PIBF1: variants seen among roughly 807,000 people sequenced by gnomAD.
PIBF1 encodes progesterone immunomodulatory binding factor 1, also known as progesterone-induced-blocking factor 1.
A neutral mutation model predicts 112.5 loss-of-function variants in PIBF1; 90 were observed. The ratio of observed to expected loss-of-function variants is 0.80; its 90% CI spans 0.67 to 0.95. PIBF1 has a LOEUF of 0.95. Ranked by LOEUF, PIBF1 falls within the 40% of genes least tolerant of loss-of-function variation. The pLI is 0.00. For missense variants in PIBF1, 915 were observed against 852.3 expected, an observed-to-expected ratio of 1.07 and a Z score of -0.92; for synonymous variants, 301 against 288.6, an observed-to-expected ratio of 1.04 and a Z score of -0.44.
intron 16 of PIBF1, among the ~76,000 whole-genome samples, chr13:72,984,420 G>T (rs1438320639): frequency 6.6e-6 from 1 of 152,074 alleles, no homozygotes; most frequent in Non-Finnish European, 1.5e-5. Flanking sequence ...TGTTTTCTAG[G>T]ATTCAAGAGG....
intron 16 of PIBF1, among the ~76,000 whole-genome samples, chr13:72,977,185 T>G (rs138497133): frequency 4.5e-4 from 5 of 11,184 alleles, no homozygotes; most frequent in East Asian, 3.0e-3. Flanking sequence ...GTTGTGTTGT[T>G]TTGTTTTGTT....
At chr13:72,828,398 A>T (rs1018908516) in intron 8 of PIBF1, among the ~76,000 whole-genome samples, 15 of 151,724 alleles carry the variant, frequency 9.9e-5, no homozygotes, top group African/African-American at 3.6e-4. Context: ...CCTACATTAG[A>T]TATTTCTCCT....
At chr13:72,917,820 T>C (rs1056596599) in intron 13 of PIBF1, among the ~76,000 whole-genome samples, 3 of 152,210 alleles carry the variant, frequency 2.0e-5, no homozygotes, top group African/African-American at 4.8e-5. Context: ...ACATAGCATT[T>C]ACATTTTGTT....
chr13:72,838,665 G>A (rs1456651801), intron 9 of PIBF1, among the ~76,000 whole-genome samples: 1 of 152,210 alleles, frequency 6.6e-6, no homozygotes, highest in Non-Finnish European at 1.5e-5. Flanking sequence ...AAGTATGGCT[G>A]CTGGGGTTGG....
intron 14 of PIBF1, among the ~76,000 whole-genome samples, chr13:72,951,700 A>G (rs1003652082): frequency 6.6e-6 from 1 of 152,066 alleles, no homozygotes; most frequent in African/African-American, 2.4e-5. Context: ...CGTGCATTCT[A>G]TGGGGTTTAG....
chr13:72,968,514 T>C (rs2042807975), intron 15 of PIBF1, among the ~76,000 whole-genome samples: 1 of 151,836 alleles, frequency 6.6e-6, no homozygotes, highest in Non-Finnish European at 1.5e-5. Context: ...TTAGCCAGGG[T>C]GTTCTTGAAC....
chr13:72,901,251 G>C (rs2040474168), intron 11 of PIBF1: 1 of 217,340 alleles, frequency 4.6e-6, no homozygotes, highest in African/African-American at 2.4e-5. Context: ...CTTAGGACAT[G>C]AATAGACAAT....
chr13:72,996,414 T>G lies in PIBF1; in HGVS notation c.2050-2408T>G, dbSNP rs564339622. On this transcript the variant is annotated intron_variant, in intron 16 of 17. Coordinates refer to ENST00000326291, the MANE Select transcript of PIBF1 (RefSeq NM_006346.4). ...AAAACTAAAGCTCATTGAACTAGAT[T>G]AGGCAGCCTAAGTTTAAACAATAAT... 9.9e-5 allele frequency among the ~76,000 whole-genome samples: 15 copies of G among 152,264 alleles called. No homozygotes were observed. The South Asian group carries it at 3.1e-3, about 32-fold the overall frequency.
intron 17 of PIBF1, among the ~76,000 whole-genome samples, chr13:73,010,229 G>GTTTTTT (rs35486011): frequency 8.1e-6 from 1 of 123,562 alleles, no homozygotes; most frequent in Non-Finnish European, 1.6e-5. Flanking sequence ...TTCTATGCTA[G>GTTTTTT]TTTTTTTTTT....
At chr13:72,814,160 G>A (rs1454421962) in intron 5 of PIBF1, among the ~76,000 whole-genome samples, 4 of 152,120 alleles carry the variant, frequency 2.6e-5, no homozygotes, top group East Asian at 1.9e-4. Context: ...AAAATGGGCC[G>A]GGTGCAGTGG....
intron 17 of PIBF1, 23 bp downstream of exon 17, chr13:72,999,018 A>T (rs745911196): frequency 2.2e-6 from 3 of 1,391,850 alleles, no homozygotes; most frequent in Admixed American, 4.1e-5. Context: ...TTTAAAACTC[A>T]TAATTTTAAT....
Position 72,812,855 on chromosome 13 carries a change from T to C in PIBF1, c.673-8994T>C, listed in dbSNP as rs149339593. Among the ~76,000 whole-genome samples, 1,152 of 151,426 alleles carry C rather than the reference T, an allele frequency of 7.6e-3. 14 individuals carry two copies. Among genetic ancestry groups the C allele is most frequent in the Middle Eastern group, 0.014 (4 of 288 alleles). On this transcript the variant is annotated intron_variant, in intron 5 of 17. Coordinates refer to ENST00000326291, the MANE Select transcript of PIBF1 (RefSeq NM_006346.4). Reference sequence around the variant, plus strand: ...ACATCTGTGGTCCCAGGTAGGAGGATTGCTTGAGCCCGGGGTAGGGGTAGG... The same window carrying C: ...ACATCTGTGGTCCCAGGTAGGAGGACTGCTTGAGCCCGGGGTAGGGGTAGG...
At chr13:72,858,849 G>C (rs1169587940) in intron 10 of PIBF1, among the ~76,000 whole-genome samples, 1 of 152,142 alleles carries the variant, frequency 6.6e-6, no homozygotes, top group Admixed American at 6.5e-5. Context: ...AATAAAGGGA[G>C]TCAACAAATA....
intron 15 of PIBF1, among the ~76,000 whole-genome samples, chr13:72,966,686 A>T (rs2042749432): frequency 6.6e-6 from 1 of 152,090 alleles, no homozygotes; most frequent in Admixed American, 6.5e-5. Context: ...AGGCAGGCAG[A>T]TCACCTGAGG....
intron 5 of PIBF1, among the ~76,000 whole-genome samples, chr13:72,798,900 G>A (rs528156749): frequency 7.9e-5 from 12 of 152,288 alleles, no homozygotes; most frequent in African/African-American, 1.7e-4. Flanking sequence ...TATTACTTAC[G>A]TGGCTTCTTT....
intron 10 of PIBF1, among the ~76,000 whole-genome samples, chr13:72,858,116 A>G (rs555083919): frequency 1.2e-4 from 18 of 150,344 alleles, no homozygotes; most frequent in South Asian, 8.5e-4. Flanking sequence ...CAGTGGCACA[A>G]TCTCTGCTCG....
At position 72,952,925 on chromosome 13, in the gene PIBF1, G is replaced by GT. The variant is rs2042341918; in HGVS notation, c.1834-12347dup. Among the ~76,000 whole-genome samples the GT allele has an allele frequency of 2.0e-5, 3 of 151,882 alleles. No individual in the cohort carries two copies. The South Asian group carries it at 6.2e-4, about 32-fold the overall frequency. On this transcript the variant is annotated intron_variant, in intron 14 of 17. Transcript: ENST00000326291. ...AAATCCCCAGTATTTTATTCACATG[G>GT]TTGAACAGTGCAAGCTTGAGGCCAG...
At chr13:72,973,141 G>A (rs1036275008) in intron 15 of PIBF1, among the ~76,000 whole-genome samples, 4 of 152,124 alleles carry the variant, frequency 2.6e-5, no homozygotes, top group African/African-American at 9.7e-5. Flanking sequence ...GTGCAGTGAT[G>A]TATGCCTGTA....
chr13:72,972,168 G>A (rs1465583757), intron 15 of PIBF1, among the ~76,000 whole-genome samples: 1 of 151,548 alleles, frequency 6.6e-6, no homozygotes, highest in African/African-American at 2.4e-5. Flanking sequence ...GATGTAGCTG[G>A]GACTAAAGGT....
Sources: allele counts gnomAD v4.1 joint callset (sites outside exome capture counted in the v4.1 genomes callset), GRCh38; gene constraint gnomAD v4.1.1; transcripts MANE v1.5; gene names NCBI Gene and HGNC (gene_info 2026-07-23, HGNC 2026-07-21).